The following MALRD1 variants were observed in gnomAD, a reference collection of about 807,000 sequenced individuals.
MALRD1 encodes the protein MAM and LDL receptor class A domain containing 1, also known as MAM and LDL-receptor class A domain-containing protein 1.
Under a neutral mutation model 242.1 loss-of-function variants are expected in MALRD1, and 247 were observed. That is an observed-to-expected ratio of 1.02 (90% CI 0.92 to 1.13). MALRD1 has a LOEUF of 1.13. Ranked by LOEUF, MALRD1 falls within the 50% of genes most tolerant of loss-of-function variation. The pLI, the probability that MALRD1 is intolerant of heterozygous loss-of-function variation, is 0.00. For synonymous variants in MALRD1, 995 were observed against 866.6 expected (o/e 1.15, Z -2.60); for missense variants, 2,989 against 2,533.1 (o/e 1.18, Z -3.86).
intron 6 of MALRD1, 124 bp downstream of exon 6, chr10:19,123,717 G>A: frequency 2.2e-6 from 1 of 462,920 alleles, no homozygotes; most frequent in Non-Finnish European, 3.5e-6. Flanking sequence ...TAGCTGGAGT[G>A]TTTTTGGGAG....
chr10:19,407,077 C>T (rs895912383), intron 28 of MALRD1, among the ~76,000 whole-genome samples: 3 of 152,254 alleles, frequency 2.0e-5, no homozygotes, highest in Middle Eastern at 3.4e-3. Flanking sequence ...CTACTCCCCA[C>T]GCCCCAATTC....
intron 32 of MALRD1, among the ~76,000 whole-genome samples, chr10:19,534,443 A>G (rs1461975567): frequency 2.6e-5 from 4 of 152,004 alleles, no homozygotes; most frequent in African/African-American, 7.2e-5. Flanking sequence ...CTTTTTTACA[A>G]TCTCTAATTT....
At chr10:19,204,281 GTT>G (rs71387054) in intron 15 of MALRD1, 25 bp from the exon 16 acceptor site, 21,599 of 1,008,882 alleles carry the variant, frequency 0.021, no homozygotes, top group Non-Finnish European at 0.023. Context: ...TTAATGAAGC[GTT>G]TTTTTTTTTT....
At chr10:19,473,299 A>G (rs1168375794) in intron 29 of MALRD1, among the ~76,000 whole-genome samples, 1 of 151,834 alleles carries the variant, frequency 6.6e-6, no homozygotes, top group Non-Finnish European at 1.5e-5. Context: ...AATTTTTAAA[A>G]AAGTATTTAA....
Position 19,283,039 on chromosome 10 carries a change from G to A in MALRD1, c.3277G>A (p.Glu1093Lys). 7 of 1,546,590 alleles carry A rather than the reference G, an allele frequency of 4.5e-6. No individual in the cohort carries two copies. The highest frequency in any genetic ancestry group is 6.1e-6 in the Non-Finnish European group (7 of 1,144,718). Residue 1093 changes from glutamate to lysine, a missense_variant, in exon 21 of 40, where the codon GAG becomes AAG. Glu to Lys is a moderately conservative substitution (Grantham distance 56). Coordinates refer to ENST00000454679, the MANE Select transcript of MALRD1 (RefSeq NM_001142308.3). ...ASCVMEVCSF[E>K]KRSLCKWYQP... ...CCAAGTTATGGAAGTTTGCAGCTTTGAGAAAAGAAGCCTGTGTAAATGGTA... is the reference window on the plus strand; with the variant it reads ...CCAAGTTATGGAAGTTTGCAGCTTTAAGAAAAGAAGCCTGTGTAAATGGTA...
intron 25 of MALRD1, among the ~76,000 whole-genome samples, 193 bp from the exon 26 acceptor site, chr10:19,351,813 A>G (rs990592903): frequency 6.6e-6 from 1 of 152,126 alleles, no homozygotes; most frequent in African/African-American, 2.4e-5. Context: ...TCTCCCATAC[A>G]TTGCAACATA....
intron 26 of MALRD1, among the ~76,000 whole-genome samples, chr10:19,374,712 G>A (rs1215747462): frequency 1.3e-5 from 2 of 152,128 alleles, no homozygotes; most frequent in African/African-American, 2.4e-5. Flanking sequence ...ATCCACAATG[G>A]TGGTATGCAC....
chr10:19,579,926 A>G (rs1045425040), intron 33 of MALRD1, among the ~76,000 whole-genome samples: 2 of 152,226 alleles, frequency 1.3e-5, no homozygotes, highest in Non-Finnish European at 2.9e-5. Context: ...TGCAGTCAAT[A>G]TGAGCTAGAG....
At chr10:19,290,351 GCA>G (rs1245246195) in intron 21 of MALRD1, 1 of 152,186 alleles carries the variant, frequency 6.6e-6, no homozygotes, top group Admixed American at 6.5e-5. Context: ...GGCATTTTCA[GCA>G]CAGAGTTCGG....
chr10:19,063,162 T>C (rs1215581769), intron 1 of MALRD1, among the ~76,000 whole-genome samples: 3 of 151,678 alleles, frequency 2.0e-5, no homozygotes, highest in African/African-American at 7.3e-5. Flanking sequence ...AAAAAAAAAG[T>C]TTATGTAATG....
chr10:19,493,722 A>G (rs951233669), intron 30 of MALRD1, among the ~76,000 whole-genome samples: 1 of 151,906 alleles, frequency 6.6e-6, no homozygotes, highest in African/African-American at 2.4e-5. Context: ...GCTGAGGCAG[A>G]GAATTGCTTG....
chr10:19,136,905 A>C, intron 10 of MALRD1, 124 bp downstream of exon 10: 1 of 567,122 alleles, frequency 1.8e-6, no homozygotes. Flanking sequence ...ATAAATATGC[A>C]TTATCGCTCT....
chr10:19,120,223 GA>G (rs978989188), intron 5 of MALRD1, among the ~76,000 whole-genome samples: 1 of 151,360 alleles, frequency 6.6e-6, no homozygotes, highest in African/African-American at 2.4e-5. Context: ...GAGAGACTGA[GA>G]AAAAAAATAG....
intron 28 of MALRD1, among the ~76,000 whole-genome samples, chr10:19,446,003 G>A (rs1481114525): frequency 6.6e-6 from 1 of 152,142 alleles, no homozygotes; most frequent in Non-Finnish European, 1.5e-5. Context: ...GGTGGTGGAT[G>A]CCCCTCCTTC....
At position 19,204,378 on chromosome 10, in the gene MALRD1, C is replaced by T; in HGVS notation, c.2175C>T (p.Phe725=). The T allele has an allele frequency of 6.5e-7, 1 of 1,536,970 alleles. No homozygotes were observed. The highest frequency in any genetic ancestry group is 8.8e-7 in the Non-Finnish European group (1 of 1,140,050). ...TTGCTAAGCTTCAGAGCCCAACTTT[C>T]AGCCAGACAGGACCTGGATGCATAC... ...WQVAKLQSPT[F]SQTGPGCILS... Residue 725 remains phenylalanine, a synonymous_variant, in exon 16 of 40, where the codon TTC becomes TTT. Transcript: ENST00000454679.
At position 19,425,855 on chromosome 10, in the gene MALRD1, C is replaced by T. The variant is rs534742170; in HGVS notation, c.4846-24452C>T. On this transcript the variant is annotated intron_variant, in intron 28 of 39. Coordinates refer to ENST00000454679, the MANE Select transcript of MALRD1 (RefSeq NM_001142308.3). ...GATTATTTGTCCTTAGAGTCTCCTTCGAACCACAGGCTACCAGCTCATTCA... is the reference window on the plus strand; with the variant it reads ...GATTATTTGTCCTTAGAGTCTCCTTTGAACCACAGGCTACCAGCTCATTCA... Among the ~76,000 whole-genome samples, 8 of 152,276 alleles carry T rather than the reference C, an allele frequency of 5.3e-5. No individual in the cohort carries two copies. In the South Asian group the frequency reaches 1.0e-3, roughly 20 times the overall value.
chr10:19,221,540 A>C (rs930903628), intron 18 of MALRD1, among the ~76,000 whole-genome samples: 1 of 152,088 alleles, frequency 6.6e-6, no homozygotes, highest in African/African-American at 2.4e-5. Flanking sequence ...TTATTATGTC[A>C]CCTGTTCGTC....
At chr10:19,727,072 G>A (rs1835061617) in intron 38 of MALRD1, among the ~76,000 whole-genome samples, 1 of 152,092 alleles carries the variant, frequency 6.6e-6, no homozygotes, top group African/African-American at 2.4e-5. Flanking sequence ...TACTTGAAAT[G>A]GTTAAAATGG....
At chr10:19,463,690 CT>C in intron 29 of MALRD1, among the ~76,000 whole-genome samples, 1 of 152,040 alleles carries the variant, frequency 6.6e-6, no homozygotes, top group East Asian at 1.9e-4. Context: ...GTGCAAGTAT[CT>C]TTTTTCGTAT....
Sources: gnomAD v4.1 joint callset for allele counts (sites outside exome capture counted in the v4.1 genomes callset) on GRCh38, gnomAD v4.1.1 for gene constraint, MANE v1.5 for transcripts, NCBI Gene and HGNC (gene_info 2026-07-23, HGNC 2026-07-21) for gene names.